FAM98A: variants seen among roughly 807,000 people sequenced by gnomAD.
FAM98A encodes tRNA splicing ligase complex subunit 3A.
FAM98A carries 25 observed loss-of-function variants against 62.9 expected under a neutral mutation model. The ratio of observed to expected loss-of-function variants is 0.40; its 90% CI spans 0.29 to 0.56. The LOEUF is 0.56. FAM98A is among the 20% of genes least tolerant of loss of function. The pLI, the probability that FAM98A is intolerant of heterozygous loss-of-function variation, is 0.51. For synonymous variants in FAM98A, 252 were observed against 228.6 expected (o/e 1.10, Z -0.92); for missense variants, 653 against 640.7 (o/e 1.02, Z -0.21).
In FAM98A at chr2:33,593,870, G is replaced by C. The variant is rs187827584; in HGVS notation, c.202+1619C>G. ...AGCTTCTGTATCATGTTTCATTTGA[G>C]AAAAAGGGGCTCCAGGTTAAATAGA... is the stretch of plus-strand genomic sequence containing the variant. On this transcript the variant is annotated intron_variant, in intron 2 of 7. Transcript: ENST00000238823. 3.6e-3 allele frequency among the ~76,000 whole-genome samples: 545 copies of C among 152,226 alleles called. 3 individuals are homozygous for C. The highest frequency in any genetic ancestry group is 0.012 in the African/African-American group (485 of 41,532).
chr2:33,587,567 T>C (rs1677584580), intron 4 of FAM98A: 1 of 458,952 alleles, frequency 2.2e-6, no homozygotes, highest in Non-Finnish European at 4.0e-6. Flanking sequence ...CAATGAACAT[T>C]TGCTGAATGG....
chr2:33,587,189 C>A, intron 5 of FAM98A, 51 bp downstream of exon 5: 1 of 1,169,122 alleles, frequency 8.6e-7, no homozygotes, highest in South Asian at 1.3e-5. Flanking sequence ...ACATGAAAAT[C>A]ATAAACTCTA....
chr2:33,596,752 C>A (rs768830060), intron 1 of FAM98A, among the ~76,000 whole-genome samples: 40 of 151,878 alleles, frequency 2.6e-4, no homozygotes, highest in Non-Finnish European at 4.9e-4. Context: ...ATTAACCAGG[C>A]ATGGTGGAGG....
rs748556189 is a variant in FAM98A, at chr2:33,587,284, C to A, written c.559G>T (p.Val187Leu). The part of the protein sequence containing the change: ...ETLAKVPPNH[V>L]GKPLLKKPMG... ...GGCTTCTTCAGTAAAGGCTTTCCCA[C>A]ATGATTAGGTGGAACTTTTGCTAAT... Residue 187 changes from valine to leucine, a missense_variant, in exon 5 of 8, where the codon GTG becomes TTG. By Grantham distance (32) the Val-to-Leu change is conservative. Transcript: ENST00000238823. 2 of 1,613,590 alleles carry A rather than the reference C, an allele frequency of 1.2e-6. No homozygotes were observed. Among genetic ancestry groups the A allele is most frequent in the Non-Finnish European group, 1.7e-6 (2 of 1,179,540 alleles).
intron 2 of FAM98A, among the ~76,000 whole-genome samples, chr2:33,592,610 T>C (rs1007314571): frequency 6.6e-6 from 1 of 152,264 alleles, no homozygotes; most frequent in Admixed American, 6.5e-5. Flanking sequence ...CCTCAAGTTA[T>C]CTTCCCACCT....
In FAM98A at chr2:33,586,673, C is replaced by G. The variant is rs766314676; in HGVS notation, c.609G>C (p.Lys203Asn). Residue 203 changes from lysine (K) to asparagine (N), a missense_variant, in exon 6 of 8, where the codon AAG (lysine) becomes AAC (asparagine). Lys to Asn is a moderately conservative substitution (Grantham distance 94). Coordinates refer to ENST00000238823, the MANE Select transcript of FAM98A (RefSeq NM_015475.5). ...CTATGGCTTGGTTAATTGCTTCTAT[C>G]TTTTCCTGAAGCAAAATTAAAAAGA... ...KKPMGPAHWE[K>N]IEAINQAIAN... 1.2e-6 allele frequency: 2 copies of G among 1,604,736 alleles called. No individual in the cohort carries two copies. The highest frequency in any genetic ancestry group is 2.2e-5 in the South Asian group (2 of 90,882).
At position 33,585,086 on chromosome 2, in the gene FAM98A, C is replaced by A; in HGVS notation, c.1247G>T (p.Gly416Val). 1 of 1,614,192 alleles carries A rather than the reference C, an allele frequency of 6.2e-7. No homozygotes were observed. Among genetic ancestry groups the A allele is most frequent in the Non-Finnish European group, 8.5e-7 (1 of 1,180,032 alleles). Reference protein sequence around the residue: ...PGGYHGGHSSGGYQGGGYGGF... With the variant: ...PGGYHGGHSSVGYQGGGYGGF... ...ACCATAACCTCCGCCTTGATAGCCA[C>A]CACTGCTGTGGCCACCATGATAGCC... is the stretch of plus-strand genomic sequence containing the variant. Residue 416 changes from glycine (G) to valine (V), a missense_variant, in exon 8 of 8, where the codon GGT becomes GTT. Physicochemically the swap from Gly to Val is moderately radical, Grantham distance 109. Coordinates refer to ENST00000238823, the MANE Select transcript of FAM98A (RefSeq NM_015475.5).
chr2:33,596,950 T>C (rs1677827213), intron 1 of FAM98A, among the ~76,000 whole-genome samples: 1 of 147,902 alleles, frequency 6.8e-6, no homozygotes, highest in Non-Finnish European at 1.5e-5. Context: ...GTTAGAGAAA[T>C]GACAGTTCTC....
chr2:33,587,855 C>T (rs1213734791), intron 4 of FAM98A, among the ~76,000 whole-genome samples: 1 of 150,934 alleles, frequency 6.6e-6, no homozygotes, highest in Admixed American at 6.6e-5. Context: ...TTTTCACATA[C>T]TAGATTATGT....
chr2:33,595,975 A>G (rs932258716), intron 1 of FAM98A, among the ~76,000 whole-genome samples: 1 of 152,210 alleles, frequency 6.6e-6, no homozygotes, highest in African/African-American at 2.4e-5. Context: ...TGAGTATTAA[A>G]AGCAAATTAA....
intron 1 of FAM98A, among the ~76,000 whole-genome samples, 160 bp from the exon 2 acceptor site, chr2:33,595,797 C>G (rs1572420485): frequency 1.3e-5 from 2 of 152,168 alleles, no homozygotes; most frequent in East Asian, 3.9e-4. Flanking sequence ...TAATTTAGAA[C>G]TATACTGAAC....
At chr2:33,595,359 C>T in intron 2 of FAM98A, 130 bp downstream of exon 2, 1 of 699,884 alleles carries the variant, frequency 1.4e-6, no homozygotes, top group Non-Finnish European at 2.2e-6. Flanking sequence ...GAAAAAAAAT[C>T]TTGGCTTCTT....
chr2:33,590,226 G>C (rs1309206726), intron 3 of FAM98A, among the ~76,000 whole-genome samples: 1 of 152,090 alleles, frequency 6.6e-6, no homozygotes, highest in African/African-American at 2.4e-5. Flanking sequence ...AACACTCTGA[G>C]AACCATAAAA....
chr2:33,588,161 C>G (rs1446124425), intron 4 of FAM98A, 174 bp downstream of exon 4: 1 of 610,000 alleles, frequency 1.6e-6, no homozygotes. Context: ...TACTAAAATA[C>G]TAATTTATCT....
At position 33,587,245 on chromosome 2, in the gene FAM98A, G is replaced by C. The variant is rs1391630933; in HGVS notation, c.598C>G (p.His200Asp). The change falls in exon 5 of 8, where the codon CAC becomes GAC. Residue 200 changes from histidine (H) to aspartate (D), a missense_variant. By Grantham distance (81) the His-to-Asp change is moderately conservative. Coordinates refer to ENST00000238823, the MANE Select transcript of FAM98A (RefSeq NM_015475.5). ...TCAAGATGATTACTACTCACCCAGT[G>C]GGCTGGTCCCATTGGCTTCTTCAGT... The part of the protein sequence containing the change: ...PLLKKPMGPA[H>D]WEKIEAINQA... The C allele has an allele frequency of 6.3e-7, 1 of 1,599,704 alleles. No individual in the cohort carries two copies. The highest frequency in any genetic ancestry group is 8.6e-7 in the Non-Finnish European group (1 of 1,167,062).
At chr2:33,592,254 TA>T in intron 2 of FAM98A, 40 bp from the exon 3 acceptor site, 1 of 1,463,290 alleles carries the variant, frequency 6.8e-7, no homozygotes, top group Middle Eastern at 1.9e-4. Context: ...TGATAGTGAT[TA>T]TTTTTCCATT....
chr2:33,586,781 C>T (rs1677568032), intron 5 of FAM98A, 103 bp from the exon 6 acceptor site: 3 of 705,384 alleles, frequency 4.3e-6, no homozygotes, highest in Admixed American at 2.3e-5. Context: ...GAGATCCCGG[C>T]CATTTAACAG....
chr2:33,595,716 A>C (rs897920981), intron 1 of FAM98A, 79 bp from the exon 2 acceptor site: 41 of 980,878 alleles, frequency 4.2e-5, no homozygotes, highest in Non-Finnish European at 5.7e-5. Flanking sequence ...TCTATGTCTT[A>C]TTTATATAAG....
At chr2:33,595,429 A>C (rs150698567) in intron 2 of FAM98A, 60 bp downstream of exon 2, 202 of 1,381,384 alleles carry the variant, frequency 1.5e-4, no homozygotes, top group Non-Finnish European at 1.8e-4. Flanking sequence ...GATAATGTTC[A>C]GTTGACAATA....
Sources: allele counts gnomAD v4.1 joint callset (sites outside exome capture counted in the v4.1 genomes callset), GRCh38; gene constraint gnomAD v4.1.1; transcripts MANE v1.5; gene names NCBI Gene and HGNC (gene_info 2026-07-23, HGNC 2026-07-21).